The following UBE2J2 variants were observed in gnomAD, a reference collection of about 807,000 sequenced individuals.
UBE2J2 encodes the protein ubiquitin-conjugating enzyme E2 J2.
UBE2J2 carries 5 observed loss-of-function variants against 28.6 expected under a neutral mutation model. The observed-to-expected ratio is 0.17, with a 90% CI of 0.09 to 0.37. UBE2J2 has a LOEUF of 0.37. Ranked by LOEUF, UBE2J2 falls within the 10% of genes least tolerant of loss-of-function variation. The pLI, the probability that UBE2J2 is intolerant of heterozygous loss-of-function variation, is 1.00. For missense variants in UBE2J2, 226 were observed against 338.9 expected (o/e 0.67, Z 2.62); for synonymous variants, 138 against 139.7 (o/e 0.99, Z 0.09).
At chr1:1,273,284 G>A (rs1640257119) in intron 1 of UBE2J2, 2 of 152,260 alleles carry the variant, frequency 1.3e-5, no homozygotes, top group Non-Finnish European at 2.9e-5. Flanking sequence ...GGGTTTACGG[G>A]GCAGTCTGGA....
chr1:1,267,650 A>G lies in UBE2J2; in HGVS notation c.131+212T>C, dbSNP rs943962499. 2.4e-6 allele frequency: 3 copies of G among 1,270,780 alleles called. No individual in the cohort carries two copies. The Admixed American group carries it at 9.3e-5, about 40-fold the overall frequency. 78.7% of individuals were successfully genotyped at this position (1,270,780 alleles called of 1,614,324 possible). A position where few individuals can be genotyped will look rare whatever the true frequency, so the allele number is the denominator to read the frequency against. ...TTCTCTCCAGCCCCAGCCTGAGTCA[A>G]GCATGGCTCTGTGATGTCCCCGGCA... is the stretch of plus-strand genomic sequence containing the variant. On this transcript the variant is annotated intron_variant, in intron 2 of 6. Coordinates refer to ENST00000349431, the MANE Select transcript of UBE2J2 (RefSeq NM_058167.3).
chr1:1,255,980 G>T, intron 6 of UBE2J2, 65 bp downstream of exon 6: 12 of 1,178,990 alleles, frequency 1.0e-5, no homozygotes, highest in Non-Finnish European at 1.3e-5. Context: ...TTTACTCTTT[G>T]GAAAGAGGTG....
chr1:1,272,553 C>G (rs1272519361), intron 1 of UBE2J2, among the ~76,000 whole-genome samples: 1 of 152,198 alleles, frequency 6.6e-6, no homozygotes, highest in East Asian at 1.9e-4. Context: ...GCTCCGGAGG[C>G]TGGACGGAAG....
At chr1:1,266,041 T>C (rs533790087) in intron 2 of UBE2J2, 3 of 1,302,060 alleles carry the variant, frequency 2.3e-6, no homozygotes, top group East Asian at 1.1e-4. Context: ...CCCCACACAA[T>C]GAAGACGTCC....
intron 2 of UBE2J2, among the ~76,000 whole-genome samples, chr1:1,264,092 T>A (rs922335641): frequency 2.0e-5 from 3 of 152,216 alleles, no homozygotes; most frequent in Non-Finnish European, 2.9e-5. Flanking sequence ...ACACAGCTAG[T>A]GATGCGGGGC....
intron 3 of UBE2J2, chr1:1,262,519 CT>C (rs1253069600): frequency 3.0e-5 from 10 of 329,066 alleles, no homozygotes; most frequent in Non-Finnish European, 5.5e-5. Context: ...AAACCTTCTT[CT>C]AGCAGCAGCA....
chr1:1,259,093 T>A (rs201926262), intron 3 of UBE2J2, among the ~76,000 whole-genome samples: 4,450 of 136,364 alleles, frequency 0.033, 133 homozygotes, highest in South Asian at 0.13. Flanking sequence ...AGGACGCACG[T>A]GTGTGCATGT....
chr1:1,266,487 T>C (rs1557563753), intron 2 of UBE2J2, among the ~76,000 whole-genome samples: 1 of 150,736 alleles, frequency 6.6e-6, no homozygotes, highest in Admixed American at 6.6e-5. Flanking sequence ...GATCACGCCA[T>C]TGCACTCCAG....
rs555191134 is a variant in UBE2J2, at chr1:1,268,490, C to T, written c.1-498G>A. The stretch of plus-strand genomic sequence containing the variant: ...CATTTACCACTAGCCACAAGCAAAA[C>T]GAGCCGCAGAACGGGGGAGCCTCTG... On this transcript the variant is annotated intron_variant, in intron 1 of 6. Transcript: ENST00000349431. The surrounding 1 kb of genome is among the most constrained non-coding windows in gnomAD (Gnocchi z 4.7). Among the ~76,000 whole-genome samples the T allele has an allele frequency of 2.0e-5, 3 of 152,204 alleles. No homozygotes were observed. The highest frequency in any genetic ancestry group is 1.9e-4 in the East Asian group (1 of 5,158).
intron 1 of UBE2J2, among the ~76,000 whole-genome samples, chr1:1,270,436 G>A (rs1444486417): frequency 6.6e-6 from 1 of 152,094 alleles, no homozygotes; most frequent in Non-Finnish European, 1.5e-5. Flanking sequence ...CCCAGGGCCT[G>A]GAGTGCAGAG....
chr1:1,273,125 G>C (rs958898324), intron 1 of UBE2J2: 1 of 152,258 alleles, frequency 6.6e-6, no homozygotes, highest in Non-Finnish European at 1.5e-5. Flanking sequence ...GGAACTGGCA[G>C]GTGTGGATGG....
Position 1,256,055 on chromosome 1 carries a change from T to G in UBE2J2, c.485A>C (p.Glu162Ala). 6.2e-7 allele frequency: 1 copy of G among 1,612,108 alleles called. No individual in the cohort carries two copies. Among genetic ancestry groups the G allele is most frequent in the Admixed American group, 1.7e-5 (1 of 60,006 alleles). The change falls in exon 6 of 7, where the codon GAA (glutamate) becomes GCA (alanine). Residue 162 changes from glutamate to alanine, a missense_variant. Physicochemically the swap from Glu to Ala is moderately radical, Grantham distance 107. Coordinates refer to ENST00000349431, the MANE Select transcript of UBE2J2 (RefSeq NM_058167.3). ...TTCCGTCTTTCTTACCTCCACGACT[T>G]CAGGAAATAATTCACAAAAGACTTT... ...KDKVFCELFP[E>A]VVEEIKQKQK...
At chr1:1,266,556 T>A (rs905154325) in intron 2 of UBE2J2, among the ~76,000 whole-genome samples, 2 of 151,766 alleles carry the variant, frequency 1.3e-5, no homozygotes, top group African/African-American at 4.8e-5. Flanking sequence ...GCGTGGTGGC[T>A]CACGCCTGTA....
intron 1 of UBE2J2, among the ~76,000 whole-genome samples, chr1:1,272,356 C>T (rs1033844547): frequency 3.3e-5 from 5 of 152,216 alleles, no homozygotes; most frequent in Admixed American, 2.6e-4. Context: ...CGTGAATCAC[C>T]GAGGGCAGCT....
Position 1,254,193 on chromosome 1 carries a change from C to T in UBE2J2, c.*1010G>A, listed in dbSNP as rs1350157867. The T allele has an allele frequency of 2.0e-5, 3 of 152,192 alleles. No homozygotes were observed. The highest frequency in any genetic ancestry group is 6.5e-5 in the Admixed American group (1 of 15,276). 9.4% of individuals were successfully genotyped at this position (152,192 alleles called of 1,614,324 possible). A position where few individuals can be genotyped will look rare whatever the true frequency, so the allele number is the denominator to read the frequency against. ...GAGACGGCCGAGACCCGGGGAGCCA[C>T]GCGGCCCGAAACAGCCCCTGCTGGC... On this transcript the variant is annotated 3_prime_UTR_variant, in exon 7 of 7. Coordinates refer to ENST00000349431, the MANE Select transcript of UBE2J2 (RefSeq NM_058167.3).
intron 2 of UBE2J2, chr1:1,264,719 GCAACA>G: frequency 6.6e-6 from 1 of 152,252 alleles, no homozygotes; most frequent in Non-Finnish European, 1.5e-5. Context: ...ACCAGCCTGG[GCAACA>G]CGGTGAAACC....
chr1:1,262,212 G>T (rs927495462), intron 3 of UBE2J2: 2 of 412,078 alleles, frequency 4.9e-6, no homozygotes, highest in Non-Finnish European at 9.8e-6. Flanking sequence ...GCACACACAC[G>T]CATCGTAACA....
rs964718064 is a variant in UBE2J2 at position 1,254,996 on chromosome 1, C to T, written c.*207G>A. The T allele has an allele frequency of 9.4e-6, 5 of 530,894 alleles. No individual in the cohort carries two copies. Among genetic ancestry groups the T allele is most frequent in the Admixed American group, 3.6e-5 (1 of 27,554 alleles). 32.9% of individuals were successfully genotyped at this position (530,894 alleles called of 1,614,324 possible). ...CAAGGCCCACCCACACCAGCCCCAG[C>T]GGCCCGTGGCCAGGACAGGGCTGAG... On this transcript the variant is annotated 3_prime_UTR_variant, in exon 7 of 7. Coordinates refer to ENST00000349431, the MANE Select transcript of UBE2J2 (RefSeq NM_058167.3).
At chr1:1,261,707 A>C (rs1188699071) in intron 3 of UBE2J2, among the ~76,000 whole-genome samples, 1 of 146,764 alleles carries the variant, frequency 6.8e-6, no homozygotes, top group Non-Finnish European at 1.5e-5. Context: ...GGTGGAGTGC[A>C]GCGATCTCGG....
Sources: allele counts gnomAD v4.1 joint callset (sites outside exome capture counted in the v4.1 genomes callset), GRCh38; gene constraint gnomAD v4.1.1; non-coding constraint Gnocchi (gnomAD v3.1); transcripts MANE v1.5; gene names NCBI Gene and HGNC (gene_info 2026-07-23, HGNC 2026-07-21).